Variants in OLFM3 observed in about 807,000 individuals in gnomAD.
The protein encoded by OLFM3 is noelin-3.
In OLFM3, 20 loss-of-function variants were observed where a neutral mutation model predicts 48.6. That is an observed-to-expected ratio of 0.41 (90% CI 0.29 to 0.60). The LOEUF (loss-of-function observed/expected upper bound fraction) is 0.60, where lower values mean the gene tolerates loss of function less well. Among genes scored for constraint, OLFM3 ranks in the 20% least tolerant of loss-of-function variants. The pLI is 0.28. For synonymous variants in OLFM3, 222 were observed against 198.1 expected, an observed-to-expected ratio of 1.12 and a Z score of -1.01; for missense variants, 437 against 544.3, an observed-to-expected ratio of 0.80 and a Z score of 1.96.
intron 1 of OLFM3, among the ~76,000 whole-genome samples, chr1:101,987,612 T>C (rs1214441627): frequency 6.6e-6 from 1 of 152,174 alleles, no homozygotes; most frequent in Non-Finnish European, 1.5e-5. Flanking sequence ...GCATCTTTTG[T>C]AAGTCATATT....
chr1:101,934,630 C>T (rs554420145), intron 1 of OLFM3, among the ~76,000 whole-genome samples: 1 of 152,214 alleles, frequency 6.6e-6, no homozygotes, highest in South Asian at 2.1e-4. Flanking sequence ...GCTTAACAGA[C>T]ATCTACAGAC....
rs1488050061 is a variant in OLFM3, at chr1:101,825,075, T to C, written c.543A>G (p.Gln181=). The change falls in exon 4 of 6, where the codon CAA becomes CAG. Residue 181 remains glutamine, a synonymous_variant. Coordinates refer to ENST00000370103, the MANE Select transcript of OLFM3 (RefSeq NM_058170.4). ...GTCTTGTTTCCAAGCTCAGCACTCT[T>C]TGGTGTAGTTCCTCGTAGTCATAGG... ...IGAYDYEELH[Q]RVLSLETRLR... is the part of the protein sequence containing the mutation. 6.2e-7 allele frequency: 1 copy of C among 1,614,138 alleles called. No individual in the cohort carries two copies. Among genetic ancestry groups the C allele is most frequent in the Admixed American group, 1.7e-5 (1 of 60,022 alleles).
intron 1 of OLFM3, among the ~76,000 whole-genome samples, chr1:101,890,209 A>G (rs1247013145): frequency 6.6e-6 from 1 of 152,098 alleles, no homozygotes; most frequent in East Asian, 1.9e-4. Flanking sequence ...TGTTAAAATT[A>G]TGTCTTTCAA....
intron 1 of OLFM3, among the ~76,000 whole-genome samples, chr1:101,982,837 C>T (rs1404096311): frequency 3.3e-5 from 5 of 152,114 alleles, no homozygotes; most frequent in African/African-American, 1.2e-4. Flanking sequence ...AGATCTGGGA[C>T]TTATCCGCCT....
intron 1 of OLFM3, among the ~76,000 whole-genome samples, chr1:101,919,181 T>A (rs762347294): frequency 6.6e-6 from 1 of 152,132 alleles, no homozygotes; most frequent in Non-Finnish European, 1.5e-5. Context: ...GAAATACTAG[T>A]TTTGAAAAAA....
chr1:101,944,879 C>A (rs1321796786), intron 1 of OLFM3, among the ~76,000 whole-genome samples: 30 of 145,792 alleles, frequency 2.1e-4, no homozygotes, highest in South Asian at 4.3e-4. Flanking sequence ...GACTCCACCT[C>A]AAAAAAAAAA....
intron 1 of OLFM3, among the ~76,000 whole-genome samples, chr1:101,851,399 C>A (rs1426999933): frequency 1.3e-5 from 2 of 152,032 alleles, no homozygotes; most frequent in Non-Finnish European, 2.9e-5. Context: ...TAAATGGCAA[C>A]CCTATTTTTG....
chr1:101,991,389 G>T (rs1291549659), intron 1 of OLFM3, among the ~76,000 whole-genome samples: 1 of 151,988 alleles, frequency 6.6e-6, no homozygotes, highest in African/African-American at 2.4e-5. Flanking sequence ...TAATACTTAA[G>T]TAAATCAGAT....
At chr1:101,983,825 G>A (rs1283581627) in intron 1 of OLFM3, among the ~76,000 whole-genome samples, 1 of 152,144 alleles carries the variant, frequency 6.6e-6, no homozygotes, top group African/African-American at 2.4e-5. Context: ...TTATTTGTCT[G>A]TTCTATATGA....
intron 1 of OLFM3, among the ~76,000 whole-genome samples, chr1:101,908,341 C>T (rs1658623035): frequency 6.6e-6 from 1 of 152,100 alleles, no homozygotes; most frequent in South Asian, 2.1e-4. Flanking sequence ...AAAGGCAAAG[C>T]ATTATGAGGA....
At chr1:101,833,597 T>C (rs1473146650) in intron 2 of OLFM3, among the ~76,000 whole-genome samples, 1 of 152,228 alleles carries the variant, frequency 6.6e-6, no homozygotes, top group Non-Finnish European at 1.5e-5. Flanking sequence ...GGCAAGCTCA[T>C]TGTCGCCCTT....
intron 1 of OLFM3, among the ~76,000 whole-genome samples, chr1:101,888,825 T>C (rs1657875678): frequency 6.6e-6 from 1 of 151,852 alleles, no homozygotes; most frequent in Non-Finnish European, 1.5e-5. Flanking sequence ...AACAACCCCA[T>C]CAAAAAGTGG....
At position 101,804,354 on chromosome 1, in the gene OLFM3, T is replaced by G. The variant is rs775047632; in HGVS notation, c.1261A>C (p.Ile421Leu). The G allele has an allele frequency of 6.2e-7, 1 of 1,612,510 alleles. No homozygotes were observed. The highest frequency in any genetic ancestry group is 1.3e-5 in the African/African-American group (1 of 74,876). Reference sequence around the variant, plus strand: ...CTTGCATTGTAGTCAAGCATGGATATGTGAAAGTATTGGTTATGGAAGGGA... The same window carrying G: ...CTTGCATTGTAGTCAAGCATGGATAGGTGAAAGTATTGGTTATGGAAGGGA... ...DIPFHNQYFH[I>L]SMLDYNARDR... The change falls in exon 6 of 6, where the codon ATA becomes CTA. Residue 421 changes from isoleucine to leucine, a missense_variant. This residue lies in a region of OLFM3 where 108 missense variants were observed against 135.8 expected (regional missense o/e 0.80). Transcript: ENST00000370103. This position sits in a 1 kb window ranked among gnomAD's most constrained non-coding sequence, Gnocchi z 4.5.
chr1:101,995,246 C>G (rs1281192687), intron 1 of OLFM3, among the ~76,000 whole-genome samples: 1 of 151,896 alleles, frequency 6.6e-6, no homozygotes, highest in African/African-American at 2.4e-5. Flanking sequence ...CAAGAATATT[C>G]CCAAATCATA....
At chr1:101,939,218 G>A (rs1231058874) in intron 1 of OLFM3, among the ~76,000 whole-genome samples, 2 of 152,196 alleles carry the variant, frequency 1.3e-5, no homozygotes, top group South Asian at 4.2e-4. Context: ...AGAAACTAAC[G>A]TCGCTTGCGT....
chr1:101,966,715 C>A (rs184341456), intron 1 of OLFM3, among the ~76,000 whole-genome samples: 2 of 151,758 alleles, frequency 1.3e-5, no homozygotes, highest in African/African-American at 4.8e-5. Context: ...TTGACACTTA[C>A]CAAAGCATCT....
At chr1:101,971,469 T>C (rs938232116) in intron 1 of OLFM3, among the ~76,000 whole-genome samples, 1 of 152,194 alleles carries the variant, frequency 6.6e-6, no homozygotes, top group African/African-American at 2.4e-5. Flanking sequence ...GGTAAACTCA[T>C]GTTCTTGTTG....
At chr1:101,819,598 G>T (rs1043522081) in intron 4 of OLFM3, among the ~76,000 whole-genome samples, 1 of 151,922 alleles carries the variant, frequency 6.6e-6, no homozygotes, top group Non-Finnish European at 1.5e-5. Context: ...ATTGCATGGC[G>T]GTGTGAAGTT....
intron 4 of OLFM3, among the ~76,000 whole-genome samples, chr1:101,819,559 T>A (rs34708542): frequency 4.0e-5 from 6 of 151,792 alleles, no homozygotes; most frequent in Admixed American, 6.6e-5. Flanking sequence ...TTTTGAGAAA[T>A]TGGTGAGGGG....
Sources: gnomAD v4.1 joint callset for allele counts (sites outside exome capture counted in the v4.1 genomes callset) on GRCh38, gnomAD v4.1.1 for gene constraint, gnomAD v4.1.1 regional missense constraint, Gnocchi (gnomAD v3.1) non-coding constraint, MANE v1.5 for transcripts, NCBI Gene and HGNC (gene_info 2026-07-23, HGNC 2026-07-21) for gene names.